The following NDUFV3 variants were observed in gnomAD, a reference collection of about 807,000 sequenced individuals.
The protein encoded by NDUFV3 is NADH:ubiquinone oxidoreductase subunit V3.
Under a neutral mutation model 37.5 loss-of-function variants are expected in NDUFV3, and 44 were observed. The observed-to-expected ratio is 1.17, with a 90% CI of 0.92 to 1.51. NDUFV3 has a LOEUF of 1.51. Among genes scored for constraint, NDUFV3 ranks in the 40% most tolerant of loss-of-function variants. The pLI is 0.00. For synonymous variants in NDUFV3, 235 were observed against 239.3 expected (o/e 0.98, Z 0.17); for missense variants, 580 against 580.4 (o/e 1.00, Z 0.01).
chr21:42,908,766 T>C (rs1484679344), intron 3 of NDUFV3, 98 bp from the exon 4 acceptor site: 1 of 1,421,770 alleles, frequency 7.0e-7, no homozygotes, highest in African/African-American at 1.4e-5. Context: ...ATAGGGATGA[T>C]GAAGAATGCT....
chr21:42,899,786 G>A (rs1452120333), intron 2 of NDUFV3, among the ~76,000 whole-genome samples: 2 of 152,076 alleles, frequency 1.3e-5, no homozygotes, highest in East Asian at 3.9e-4. Context: ...CTGCATGTTG[G>A]CCAGGCTGGT....
chr21:42,906,043 T>C (rs1244629485), intron 3 of NDUFV3, among the ~76,000 whole-genome samples: 1 of 151,160 alleles, frequency 6.6e-6, no homozygotes, highest in Non-Finnish European at 1.5e-5. Flanking sequence ...ATTGTATTTT[T>C]AGTAGAGACA....
At chr21:42,895,312 G>A (rs890341354) in intron 1 of NDUFV3, among the ~76,000 whole-genome samples, 38 of 152,150 alleles carry the variant, frequency 2.5e-4, no homozygotes, top group South Asian at 1.2e-3. Flanking sequence ...GTGAAACCCC[G>A]TCTCTACTAA....
intron 2 of NDUFV3, among the ~76,000 whole-genome samples, 158 bp from the exon 3 acceptor site, chr21:42,903,024 C>T (rs2058723409): frequency 1.3e-5 from 2 of 152,098 alleles, no homozygotes; most frequent in Non-Finnish European, 2.9e-5. Context: ...ATTTTCCATC[C>T]TCAGTTGGTT....
chr21:42,904,045 G>T lies in NDUFV3; in HGVS notation c.1033G>T (p.Ala345Ser). The T allele has an allele frequency of 1.2e-6, 2 of 1,614,184 alleles. No homozygotes were observed. The highest frequency in any genetic ancestry group is 1.7e-6 in the Non-Finnish European group (2 of 1,180,034). The change falls in exon 3 of 4, where the codon GCG becomes TCG. Residue 345 changes from alanine (A) to serine (S), a missense_variant. Ala to Ser is a moderately conservative substitution (Grantham distance 99, BLOSUM62 1). Coordinates refer to ENST00000354250, the MANE Select transcript of NDUFV3 (RefSeq NM_021075.4). ...ACCCGTGCCAGAGCCCCAGCGCAAGGCGGCCCCTCCCCTGCCCAGAAAGGA... is the reference window on the plus strand; with the variant it reads ...ACCCGTGCCAGAGCCCCAGCGCAAGTCGGCCCCTCCCCTGCCCAGAAAGGA... ...EKPVPEPQRK[A>S]APPLPRKETS...
At chr21:42,893,446 G>C in intron 1 of NDUFV3, 65 bp downstream of exon 1, 1 of 1,519,742 alleles carries the variant, frequency 6.6e-7, no homozygotes, top group East Asian at 2.4e-5. Flanking sequence ...TGGGGTGAGG[G>C]GGCGCGGTGC....
At chr21:42,907,448 A>ATTTTT (rs749048453) in intron 3 of NDUFV3, among the ~76,000 whole-genome samples, 1 of 123,336 alleles carries the variant, frequency 8.1e-6, no homozygotes. Flanking sequence ...TGCCCTACTA[A>ATTTTT]TTTTTTTTTT....
chr21:42,895,251 G>A (rs556552980), intron 1 of NDUFV3, among the ~76,000 whole-genome samples: 8 of 152,242 alleles, frequency 5.3e-5, no homozygotes, highest in Admixed American at 6.6e-5. Context: ...GAGAAGCCAA[G>A]GTGGGTGGAT....
At chr21:42,907,344 G>GTGA (rs1392925579) in intron 3 of NDUFV3, among the ~76,000 whole-genome samples, 1 of 152,058 alleles carries the variant, frequency 6.6e-6, no homozygotes, top group African/African-American at 2.4e-5. Context: ...GTGCAGTGAT[G>GTGA]TGATCTCAGC....
intron 3 of NDUFV3, among the ~76,000 whole-genome samples, chr21:42,904,485 A>G (rs1395206694): frequency 6.9e-6 from 1 of 145,056 alleles, no homozygotes; most frequent in Admixed American, 7.0e-5. Context: ...TAAAATATTT[A>G]ACGTTCTTTT....
Position 42,910,978 on chromosome 21 carries a change from T to TA in NDUFV3, c.*1958dup, listed in dbSNP as rs1425488103. Reference sequence around the variant, plus strand: ...AGGTGAGGGCCAGGGCACGGTGGCTTACGCCTGTAATCCCAGCACTTTGGG... The same window carrying TA: ...AGGTGAGGGCCAGGGCACGGTGGCTTAACGCCTGTAATCCCAGCACTTTGGG... On this transcript the variant is annotated 3_prime_UTR_variant, in exon 4 of 4. Transcript: ENST00000354250. The TA allele has an allele frequency of 6.6e-6, 1 of 152,480 alleles. No homozygotes were observed. The highest frequency in any genetic ancestry group is 2.4e-5 in the African/African-American group (1 of 41,452). The allele number at this position is 152,480 out of a possible 1,614,324, so 9.4% of individuals were successfully genotyped here.
intron 2 of NDUFV3, among the ~76,000 whole-genome samples, chr21:42,898,747 A>G (rs1481248015): frequency 6.6e-6 from 1 of 152,218 alleles, no homozygotes; most frequent in Non-Finnish European, 1.5e-5. Flanking sequence ...TTGGGATTAC[A>G]GGTGTGAGCC....
At position 42,911,926 on chromosome 21, in the gene NDUFV3, A is replaced by G. The variant is rs2058772960; in HGVS notation, c.*2905A>G. ...ATTTTGATTTGCATATATTTTTAAGATAAAGCATGAGACTTGTATAAAGTT... is the reference window on the plus strand; with the variant it reads ...ATTTTGATTTGCATATATTTTTAAGGTAAAGCATGAGACTTGTATAAAGTT... On this transcript the variant is annotated 3_prime_UTR_variant, in exon 4 of 4. Coordinates refer to ENST00000354250, the MANE Select transcript of NDUFV3 (RefSeq NM_021075.4). 1 of 152,222 alleles carries G rather than the reference A, an allele frequency of 6.6e-6. No individual in the cohort carries two copies. The highest frequency in any genetic ancestry group is 2.4e-5 in the African/African-American group (1 of 41,456). 9.4% of individuals were successfully genotyped at this position (152,222 alleles called of 1,614,324 possible).
At chr21:42,907,226 T>C (rs746399977) in intron 3 of NDUFV3, among the ~76,000 whole-genome samples, 2 of 152,160 alleles carry the variant, frequency 1.3e-5, no homozygotes, top group East Asian at 1.9e-4. Flanking sequence ...TTGTTGTTAT[T>C]AGAATTTATC....
At position 42,907,772 on chromosome 21, in the gene NDUFV3, G is replaced by A. The variant is rs541057833; in HGVS notation, c.1265-1092G>A. Among the ~76,000 whole-genome samples the A allele has an allele frequency of 2.0e-5, 3 of 151,562 alleles. No individual in the cohort carries two copies. The East Asian group carries it at 6.0e-4, about 30-fold the overall frequency. The stretch of plus-strand genomic sequence containing the variant: ...GGCCCCTGCTAATTTTTTATTCTTT[G>A]TAGAGACAGAGTCTCACTATTTTGC... On this transcript the variant is annotated intron_variant, in intron 3 of 3. Transcript: ENST00000354250.
chr21:42,902,461 G>T (rs555075107), intron 2 of NDUFV3, among the ~76,000 whole-genome samples: 25 of 152,200 alleles, frequency 1.6e-4, no homozygotes, highest in African/African-American at 6.0e-4. Flanking sequence ...TTTTACTTTT[G>T]ATAGGGGGAT....
At chr21:42,896,585 G>C (rs956784634) in intron 1 of NDUFV3, among the ~76,000 whole-genome samples, 1 of 152,000 alleles carries the variant, frequency 6.6e-6, no homozygotes, top group African/African-American at 2.4e-5. Flanking sequence ...GCCAATCCCA[G>C]CACTTCAGGA....
chr21:42,894,368 ATAT>A lies in NDUFV3; in HGVS notation c.48+989_48+991del, dbSNP rs1221076030. Among the ~76,000 whole-genome samples the A allele has an allele frequency of 4.4e-3, 111 of 25,212 alleles. 40 individuals are homozygous for A. The African/African-American group carries it at 0.064, about 15-fold the overall frequency. The allele number at this position is 25,212 out of a possible 152,430, so 16.5% of individuals were successfully genotyped here. On this transcript the variant is annotated intron_variant, in intron 1 of 3. Transcript: ENST00000354250. ...TTATATATAAATATATATTATATAT[ATAT>A]TTATATAATATGTAAATATATATTA...
At chr21:42,894,425 A>G (rs1288899198) in intron 1 of NDUFV3, among the ~76,000 whole-genome samples, 4 of 48,022 alleles carry the variant, frequency 8.3e-5, no homozygotes, top group African/African-American at 6.1e-4. Context: ...AATATATTAT[A>G]TAAATATATA....
Sources: gnomAD v4.1 joint callset for allele counts (sites outside exome capture counted in the v4.1 genomes callset) on GRCh38, gnomAD v4.1.1 for gene constraint, MANE v1.5 for transcripts, NCBI Gene and HGNC (gene_info 2026-07-23, HGNC 2026-07-21) for gene names.